WDFY3: variants seen among roughly 807,000 people sequenced by gnomAD.
WDFY3 encodes the protein WD repeat and FYVE domain-containing protein 3.
Under a neutral mutation model 409.6 loss-of-function variants are expected in WDFY3, and 66 were observed. The observed-to-expected ratio is 0.16, with a 90% CI of 0.13 to 0.20. The LOEUF (loss-of-function observed/expected upper bound fraction) is 0.20. Ranked by LOEUF, WDFY3 falls within the 10% of genes least tolerant of loss-of-function variation. The pLI, the probability that WDFY3 is intolerant of heterozygous loss-of-function variation, is 1.00. For missense variants in WDFY3, 3,031 were observed against 4,298.1 expected (o/e 0.71, Z 8.24); for synonymous variants, 1,521 against 1,537.1 (o/e 0.99, Z 0.25).
At chr4:84,695,448 C>CGTAT (rs1729929222) in intron 58 of WDFY3, among the ~76,000 whole-genome samples, 1 of 136,054 alleles carries the variant, frequency 7.4e-6, no homozygotes, top group African/African-American at 2.8e-5. Flanking sequence ...ATTTGGGTCC[C>CGTAT]GTGTGTGTGT....
rs187993231 is a variant in WDFY3, at chr4:84,931,898, A to C, written c.-132+372T>G. Among the ~76,000 whole-genome samples the C allele has an allele frequency of 5.5e-3, 836 of 152,294 alleles. 34 individuals are homozygous for C. Among genetic ancestry groups the C allele is most frequent in the Admixed American group, 0.049 (743 of 15,272 alleles). On this transcript the variant is annotated intron_variant, in intron 2 of 67. Transcript: ENST00000295888. Reference sequence around the variant, plus strand: ...ACTCAAAGAAACTACAATACAATGGATTAAAGAGTTTCAAAGCATGTGCTT... The same window carrying C: ...ACTCAAAGAAACTACAATACAATGGCTTAAAGAGTTTCAAAGCATGTGCTT...
chr4:84,774,434 A>C (rs577457545), intron 29 of WDFY3, among the ~76,000 whole-genome samples: 99 of 152,374 alleles, frequency 6.5e-4, no homozygotes, highest in Non-Finnish European at 1.1e-3. Flanking sequence ...GAGAATAAAA[A>C]ATAGCGGTGG....
intron 1 of WDFY3, among the ~76,000 whole-genome samples, chr4:84,945,004 T>C (rs376423112): frequency 6.6e-6 from 1 of 152,156 alleles, no homozygotes; most frequent in African/African-American, 2.4e-5. Context: ...ATTCTCAGAA[T>C]AGCTACTTGA....
At position 84,846,704 on chromosome 4, in the gene WDFY3, T is replaced by G. The variant is rs180722999; in HGVS notation, c.304+3198A>C. ...GGATGAATACATCCATTAAAATGCT[T>G]GTAAACGTATTTTTAAAAGGTATAA... On this transcript the variant is annotated intron_variant, in intron 5 of 67. Coordinates refer to ENST00000295888, the MANE Select transcript of WDFY3 (RefSeq NM_014991.6). 2.3e-3 allele frequency among the ~76,000 whole-genome samples: 350 copies of G among 151,378 alleles called. 1 individual carries two copies. Among genetic ancestry groups the G allele is most frequent in the Admixed American group, 4.6e-3 (69 of 15,152 alleles).
intron 15 of WDFY3, chr4:84,804,065 T>G (rs1389100484): frequency 6.6e-6 from 1 of 152,242 alleles, no homozygotes; most frequent in Admixed American, 6.5e-5. Context: ...TCATTATCAC[T>G]GAAAATATTC....
intron 45 of WDFY3, among the ~76,000 whole-genome samples, chr4:84,725,714 C>G (rs575487270): frequency 2.6e-5 from 4 of 152,152 alleles, no homozygotes; most frequent in Non-Finnish European, 4.4e-5. Flanking sequence ...ACTCTTCAAA[C>G]TCAAATAATC....
chr4:84,810,483 A>G (rs10516729), intron 13 of WDFY3, 139 bp from the exon 14 acceptor site: 28,635 of 702,826 alleles, frequency 0.041, 890 homozygotes, highest in Admixed American at 0.14. Context: ...CGGTCCTATA[A>G]AGCATATCAA....
chr4:84,937,467 GACC>G (rs1331051757), intron 1 of WDFY3, among the ~76,000 whole-genome samples: 5 of 152,040 alleles, frequency 3.3e-5, no homozygotes, highest in African/African-American at 1.2e-4. Context: ...CTGAGAATCT[GACC>G]ACTTCTCGCC....
chr4:84,933,397 T>C (rs889456404), intron 1 of WDFY3, among the ~76,000 whole-genome samples: 3 of 152,250 alleles, frequency 2.0e-5, no homozygotes, highest in Admixed American at 1.3e-4. Context: ...TTAATTTTTA[T>C]TTTTAATTTT....
chr4:84,832,733 T>A (rs1157443972), intron 7 of WDFY3, among the ~76,000 whole-genome samples: 1 of 152,166 alleles, frequency 6.6e-6, no homozygotes, highest in Non-Finnish European at 1.5e-5. Context: ...ATCACCTGAT[T>A]TTTTAAAAAA....
intron 13 of WDFY3, 111 bp downstream of exon 13, chr4:84,817,281 G>A (rs1753437188): frequency 7.4e-7 from 1 of 1,349,058 alleles, no homozygotes; most frequent in African/African-American, 1.5e-5. Flanking sequence ...GAGGTTTCTT[G>A]GGTAATTTGG....
At chr4:84,906,177 G>A (rs557843020) in intron 2 of WDFY3, among the ~76,000 whole-genome samples, 1 of 152,140 alleles carries the variant, frequency 6.6e-6, no homozygotes, top group African/African-American at 2.4e-5. Context: ...AGACTAAAAG[G>A]ACTTTAATTT....
intron 49 of WDFY3, among the ~76,000 whole-genome samples, chr4:84,716,273 T>TA (rs1321639261): frequency 2.0e-5 from 3 of 149,772 alleles, no homozygotes; most frequent in African/African-American, 2.5e-5. Flanking sequence ...CCGTCTCTAC[T>TA]AAAAAACAGA....
intron 35 of WDFY3, among the ~76,000 whole-genome samples, chr4:84,753,186 T>A (rs1052655248): frequency 4.7e-4 from 71 of 152,284 alleles, no homozygotes; most frequent in African/African-American, 1.5e-3. Flanking sequence ...CTAATAGTTT[T>A]TAAGTTAGTA....
chr4:84,763,488 G>T (rs1465556469), intron 32 of WDFY3, among the ~76,000 whole-genome samples: 1 of 151,766 alleles, frequency 6.6e-6, no homozygotes, highest in Non-Finnish European at 1.5e-5. Context: ...CATGGCACAT[G>T]TATACATACA....
At chr4:84,927,332 G>A (rs988435005) in intron 2 of WDFY3, among the ~76,000 whole-genome samples, 1 of 135,872 alleles carries the variant, frequency 7.4e-6, no homozygotes, top group African/African-American at 2.7e-5. Flanking sequence ...CACACACACA[G>A]ACACACACAC....
At chr4:84,760,366 T>G (rs895892068) in intron 32 of WDFY3, among the ~76,000 whole-genome samples, 20 of 152,082 alleles carry the variant, frequency 1.3e-4, no homozygotes, top group African/African-American at 4.6e-4. Flanking sequence ...TTGGAATAGT[T>G]TCAGAAGGAA....
intron 15 of WDFY3, among the ~76,000 whole-genome samples, chr4:84,805,737 G>A (rs985248114): frequency 1.3e-5 from 2 of 152,108 alleles, no homozygotes; most frequent in African/African-American, 4.8e-5. Context: ...CAGGTATGTA[G>A]AGGCACTAAG....
chr4:84,898,931 G>A (rs1415569022), intron 2 of WDFY3, among the ~76,000 whole-genome samples: 1 of 152,172 alleles, frequency 6.6e-6, no homozygotes, highest in Non-Finnish European at 1.5e-5. Context: ...CGATCTCACA[G>A]GTGAGCTTCC....
Sources: gnomAD v4.1 joint callset for allele counts (sites outside exome capture counted in the v4.1 genomes callset) on GRCh38, gnomAD v4.1.1 for gene constraint, MANE v1.5 for transcripts, NCBI Gene and HGNC (gene_info 2026-07-23, HGNC 2026-07-21) for gene names.